KCNB2: variants seen among roughly 807,000 people sequenced by gnomAD.
KCNB2 encodes potassium voltage-gated channel subfamily B member 2.
In KCNB2, 15 loss-of-function variants were observed where a neutral mutation model predicts 61.5. The ratio of observed to expected loss-of-function variants is 0.24; its 90% CI spans 0.16 to 0.38. The LOEUF is 0.38. Ranked by LOEUF, KCNB2 falls within the 10% of genes least tolerant of loss-of-function variation. KCNB2 has a pLI of 1.00. For synonymous variants in KCNB2, 457 were observed against 446.0 expected (o/e 1.02, Z -0.31); for missense variants, 828 against 1,125.2 (o/e 0.74, Z 3.78).
At chr8:72,628,570 G>A (rs1375278863) in intron 2 of KCNB2, among the ~76,000 whole-genome samples, 1 of 152,084 alleles carries the variant, frequency 6.6e-6, no homozygotes, top group Non-Finnish European at 1.5e-5. Context: ...CTTTTCTGGA[G>A]CATTTCTAGA....
chr8:72,886,691 T>A (rs1805812252), intron 2 of KCNB2, among the ~76,000 whole-genome samples: 1 of 152,206 alleles, frequency 6.6e-6, no homozygotes, highest in Admixed American at 6.5e-5. Flanking sequence ...CTACGTAATT[T>A]CCCCTGATGC....
intron 2 of KCNB2, among the ~76,000 whole-genome samples, chr8:72,817,548 A>G (rs1264668775): frequency 1.3e-5 from 2 of 152,124 alleles, no homozygotes; most frequent in African/African-American, 4.8e-5. Flanking sequence ...TCATTTCTCA[A>G]CTTCTTTGAG....
Position 72,561,708 on chromosome 8 carries a change from T to C in KCNB2, c.-93-5934T>C, listed in dbSNP as rs1324324415. 1.2e-3 allele frequency among the ~76,000 whole-genome samples: 26 copies of C among 21,082 alleles called. 2 individuals carry two copies. Among genetic ancestry groups the C allele is most frequent in the East Asian group, 3.1e-3 (1 of 326 alleles). 13.8% of individuals were successfully genotyped at this position (21,082 alleles called of 152,430 possible). ...TCTTACTTTTATATATATATATATA[T>C]ATATATATATATATATATATCTATA... On this transcript the variant is annotated intron_variant, in intron 1 of 2. Transcript: ENST00000523207.
At chr8:72,755,154 C>T (rs562080316) in intron 2 of KCNB2, among the ~76,000 whole-genome samples, 1 of 151,940 alleles carries the variant, frequency 6.6e-6, no homozygotes, top group African/African-American at 2.4e-5. Context: ...AATAACTGAC[C>T]AGTACATCTT....
intron 2 of KCNB2, among the ~76,000 whole-genome samples, chr8:72,907,155 A>G (rs1411540232): frequency 6.6e-6 from 1 of 152,104 alleles, no homozygotes; most frequent in East Asian, 1.9e-4. Context: ...TCAAGAGATC[A>G]AGACCATCCT....
chr8:72,563,261 T>G (rs1806564808), intron 1 of KCNB2, among the ~76,000 whole-genome samples: 1 of 152,074 alleles, frequency 6.6e-6, no homozygotes, highest in Admixed American at 6.6e-5. Flanking sequence ...AGGAAAAAAT[T>G]AAGTGTCATA....
chr8:72,660,874 C>T (rs1806369420), intron 2 of KCNB2: 6 of 152,132 alleles, frequency 3.9e-5, no homozygotes, highest in Admixed American at 3.9e-4. Flanking sequence ...TAAAGTTTCT[C>T]CTGGAGTTTT....
chr8:72,573,768 C>T (rs1418375737), intron 2 of KCNB2, among the ~76,000 whole-genome samples: 4 of 151,300 alleles, frequency 2.6e-5, no homozygotes, highest in African/African-American at 4.9e-5. Context: ...ATTGAGGCCC[C>T]TCTGTGTACC....
rs191537715 is a variant in KCNB2, at chr8:72,904,663, A to T, written c.580-31272A>T. Among the ~76,000 whole-genome samples, 306 of 152,146 alleles carry T rather than the reference A, an allele frequency of 2.0e-3. 7 individuals are homozygous for T. The highest frequency in any genetic ancestry group is 0.016 in the Admixed American group (245 of 15,270). On this transcript the variant is annotated intron_variant, in intron 2 of 2. Coordinates refer to ENST00000523207, the MANE Select transcript of KCNB2 (RefSeq NM_004770.3). The stretch of plus-strand genomic sequence containing the variant: ...TGTTTAAATGTTTTTTTATTTTTTT[A>T]ATTTTTTTATTATACTTTAAGTTTT...
At chr8:72,844,801 T>A (rs1049245392) in intron 2 of KCNB2, among the ~76,000 whole-genome samples, 4 of 152,236 alleles carry the variant, frequency 2.6e-5, no homozygotes, top group Admixed American at 6.5e-5. Context: ...GTCATTTATG[T>A]TCTTCTCTAA....
At chr8:72,911,058 G>A (rs1261751639) in intron 2 of KCNB2, among the ~76,000 whole-genome samples, 1 of 151,954 alleles carries the variant, frequency 6.6e-6, no homozygotes, top group African/African-American at 2.4e-5. Context: ...AGGCTTTTTT[G>A]AAAAGGAATT....
intron 2 of KCNB2, among the ~76,000 whole-genome samples, chr8:72,728,513 T>C (rs926756795): frequency 5.3e-5 from 8 of 152,200 alleles, no homozygotes; most frequent in Non-Finnish European, 7.3e-5. Context: ...ACATGTATTA[T>C]GTTTCAAGCA....
chr8:72,583,875 AT>A (rs1023619316), intron 2 of KCNB2, among the ~76,000 whole-genome samples: 3 of 146,242 alleles, frequency 2.1e-5, no homozygotes, highest in Non-Finnish European at 4.5e-5. Context: ...CTAGATACCC[AT>A]TTTTTTTAAT....
chr8:72,623,849 G>C (rs1408465858), intron 2 of KCNB2, among the ~76,000 whole-genome samples: 3 of 152,176 alleles, frequency 2.0e-5, no homozygotes, highest in Admixed American at 1.3e-4. Flanking sequence ...TGAAGCATCA[G>C]ACCCACTGAG....
intron 2 of KCNB2, among the ~76,000 whole-genome samples, chr8:72,729,606 G>A (rs188601562): frequency 3.3e-5 from 5 of 152,288 alleles, no homozygotes; most frequent in East Asian, 3.9e-4. Flanking sequence ...GGGTCTTGCC[G>A]GGCGCGGTGG....
At chr8:72,573,760 T>A (rs1305625780) in intron 2 of KCNB2, among the ~76,000 whole-genome samples, 1 of 152,142 alleles carries the variant, frequency 6.6e-6, no homozygotes, top group Non-Finnish European at 1.5e-5. Context: ...TCCTCTACAT[T>A]GAGGCCCCTC....
intron 2 of KCNB2, among the ~76,000 whole-genome samples, chr8:72,829,132 A>T (rs964548111): frequency 6.6e-6 from 1 of 152,188 alleles, no homozygotes; most frequent in Non-Finnish European, 1.5e-5. Context: ...AAGTGAAATG[A>T]AGAGTTGAGT....
At chr8:72,650,928 G>A in intron 2 of KCNB2, among the ~76,000 whole-genome samples, 1 of 152,124 alleles carries the variant, frequency 6.6e-6, no homozygotes, top group East Asian at 1.9e-4. Context: ...TGGCAGCCAA[G>A]ATTTATTTAA....
intron 2 of KCNB2, chr8:72,750,150 C>T (rs1449912207): frequency 1.3e-5 from 2 of 152,006 alleles, no homozygotes; most frequent in East Asian, 3.9e-4. Context: ...TGTATATAAC[C>T]TTCTGTGACT....
Sources: allele counts gnomAD v4.1 joint callset (sites outside exome capture counted in the v4.1 genomes callset), GRCh38; gene constraint gnomAD v4.1.1; transcripts MANE v1.5; gene names NCBI Gene and HGNC (gene_info 2026-07-23, HGNC 2026-07-21).